The following SERTM1 variants were observed in gnomAD, a reference collection of about 807,000 sequenced individuals.
SERTM1 encodes serine rich and transmembrane domain containing 1.
Under a neutral mutation model 5.5 loss-of-function variants are expected in SERTM1, and 1 was observed. The ratio of observed to expected loss-of-function variants is 0.18; its 90% CI spans 0.06 to 0.86. The LOEUF (loss-of-function observed/expected upper bound fraction) is 0.86. SERTM1 is among the 40% of genes least tolerant of loss of function. The probability of loss-of-function intolerance (pLI) is 0.69; values close to 1 mark genes in which losing one functional copy is unlikely to be tolerated. For synonymous variants in SERTM1, 52 were observed against 55.1 expected (o/e 0.94, Z 0.25); for missense variants, 91 against 122.4 (o/e 0.74, Z 1.21).
At chr13:36,687,807 G>T (rs1308932209) in intron 1 of SERTM1, among the ~76,000 whole-genome samples, 1 of 152,030 alleles carries the variant, frequency 6.6e-6, no homozygotes, top group Admixed American at 6.6e-5. Flanking sequence ...CAGGAACAGA[G>T]ACCAACAAAA....
In SERTM1 at chr13:36,674,054, G is replaced by A. The variant is rs1024964811; in HGVS notation, c.-304G>A. 11 of 152,302 alleles carry A rather than the reference G, an allele frequency of 7.2e-5. No individual in the cohort carries two copies. The highest frequency in any genetic ancestry group is 2.7e-4 in the African/African-American group (11 of 41,454). 9.4% of individuals were successfully genotyped at this position (152,302 alleles called of 1,614,324 possible). Reference sequence around the variant, plus strand: ...GCGCCTGCTGTCCGCCGTGCGCCCAGACTGCGCGCCGCGCCGCTGCGCCCA... The same window carrying A: ...GCGCCTGCTGTCCGCCGTGCGCCCAAACTGCGCGCCGCGCCGCTGCGCCCA... On this transcript the variant is annotated 5_prime_UTR_variant, in exon 1 of 2. Coordinates refer to ENST00000315190, the MANE Select transcript of SERTM1 (RefSeq NM_203451.3).
At chr13:36,674,410 G>A (rs877918) in intron 1 of SERTM1, among the ~76,000 whole-genome samples, 27,230 of 151,862 alleles carry the variant, frequency 0.18, 2,610 homozygotes, top group East Asian at 0.42. Flanking sequence ...ATCGCAGCCC[G>A]GCTCTCCGAG....
chr13:36,694,833 TG>T lies in SERTM1; in HGVS notation c.-173-72del. On this transcript the variant is annotated intron_variant, in intron 1 of 1. Coordinates refer to ENST00000315190, the MANE Select transcript of SERTM1 (RefSeq NM_203451.3). ...GCTGAGTTTTCTAACTAATCCTTAC[TG>T]AAATAAAACCTAAAAATGGAATTTA... The T allele has an allele frequency of 5.8e-6, 3 of 514,520 alleles. No homozygotes were observed. The South Asian group carries it at 8.7e-5, about 15-fold the overall frequency. The allele number at this position is 514,520 out of a possible 1,614,324, so 31.9% of individuals were successfully genotyped here. A position where few individuals can be genotyped will look rare whatever the true frequency, so the allele number is the denominator to read the frequency against.
chr13:36,691,188 C>T (rs1200650788), intron 1 of SERTM1, among the ~76,000 whole-genome samples: 1 of 152,194 alleles, frequency 6.6e-6, no homozygotes, highest in Non-Finnish European at 1.5e-5. Context: ...TGAGAGCACT[C>T]AGAGATGAGA....
intron 1 of SERTM1, among the ~76,000 whole-genome samples, chr13:36,682,796 T>A (rs1273203788): frequency 6.6e-6 from 1 of 152,250 alleles, no homozygotes; most frequent in East Asian, 1.9e-4. Context: ...CTCATGCACA[T>A]AATGATAATA....
intron 1 of SERTM1, among the ~76,000 whole-genome samples, chr13:36,680,845 C>T (rs558831237): frequency 3.9e-5 from 6 of 152,144 alleles, no homozygotes; most frequent in South Asian, 2.1e-4. Context: ...CTCCGCCTCC[C>T]GGTTCAAGCG....
Position 36,675,983 on chromosome 13 carries a change from T to C in SERTM1, c.-174+1799T>C, listed in dbSNP as rs73544510. Among the ~76,000 whole-genome samples the C allele has an allele frequency of 3.1e-3, 466 of 152,308 alleles. 3 individuals are homozygous for C. The highest frequency in any genetic ancestry group is 0.011 in the African/African-American group (448 of 41,572). On this transcript the variant is annotated intron_variant, in intron 1 of 1. Transcript: ENST00000315190. ...ATTTATTGTTCTCATTAAAGAAACC[T>C]GTTGTAAGGTAAGATTGAGTCCATT...
chr13:36,692,227 T>G (rs1354582879), intron 1 of SERTM1, among the ~76,000 whole-genome samples: 2 of 152,216 alleles, frequency 1.3e-5, no homozygotes, highest in Non-Finnish European at 2.9e-5. Context: ...TGACCAAACC[T>G]TCTGAGCCTC....
chr13:36,680,155 T>C (rs886564905), intron 1 of SERTM1, among the ~76,000 whole-genome samples: 6 of 152,206 alleles, frequency 3.9e-5, no homozygotes, highest in Non-Finnish European at 7.3e-5. Context: ...CTGTACCCTC[T>C]GCCATTCTCC....
At chr13:36,694,162 T>C (rs918500165) in intron 1 of SERTM1, among the ~76,000 whole-genome samples, 1 of 152,202 alleles carries the variant, frequency 6.6e-6, no homozygotes, top group Non-Finnish European at 1.5e-5. Flanking sequence ...AGAAAAGTGA[T>C]GCTCAGAAAA....
At chr13:36,677,685 G>C (rs886708261) in intron 1 of SERTM1, among the ~76,000 whole-genome samples, 2 of 152,162 alleles carry the variant, frequency 1.3e-5, no homozygotes, top group African/African-American at 4.8e-5. Context: ...AACATTCAAC[G>C]TATAGATTCA....
At chr13:36,688,320 G>A (rs1273906134) in intron 1 of SERTM1, among the ~76,000 whole-genome samples, 1 of 151,758 alleles carries the variant, frequency 6.6e-6, no homozygotes, top group Non-Finnish European at 1.5e-5. Context: ...CTCAAGCAAT[G>A]CTCCCACCTC....
At chr13:36,683,316 C>T (rs562309091) in intron 1 of SERTM1, among the ~76,000 whole-genome samples, 48 of 152,282 alleles carry the variant, frequency 3.2e-4, no homozygotes, top group African/African-American at 1.1e-3. Flanking sequence ...GCCTTGAAAA[C>T]CTTCTTTCTC....
chr13:36,682,270 C>T (rs557748355), intron 1 of SERTM1, among the ~76,000 whole-genome samples: 12 of 152,294 alleles, frequency 7.9e-5, no homozygotes, highest in African/African-American at 2.9e-4. Flanking sequence ...CATCCTTATG[C>T]CACATTCTGT....
At chr13:36,692,454 A>G (rs9603082) in intron 1 of SERTM1, among the ~76,000 whole-genome samples, 21,542 of 152,270 alleles carry the variant, frequency 0.14, 1,691 homozygotes, top group Non-Finnish European at 0.15. Context: ...TGAAAATGAT[A>G]CAGACTTGGG....
At chr13:36,681,020 T>C (rs2056701852) in intron 1 of SERTM1, among the ~76,000 whole-genome samples, 1 of 152,214 alleles carries the variant, frequency 6.6e-6, no homozygotes, top group Non-Finnish European at 1.5e-5. Context: ...TTTTCACTCC[T>C]CTTATTATTT....
intron 1 of SERTM1, among the ~76,000 whole-genome samples, chr13:36,685,988 A>C: frequency 6.6e-6 from 1 of 152,146 alleles, no homozygotes; most frequent in East Asian, 1.9e-4. Context: ...GGGTGTTTAA[A>C]CTGCAGGAGA....
In SERTM1 at chr13:36,695,325, G is replaced by A. The variant is rs1436590012; in HGVS notation, c.247G>A (p.Ala83Thr). The A allele has an allele frequency of 5.6e-6, 9 of 1,614,016 alleles. No individual in the cohort carries two copies. The highest frequency in any genetic ancestry group is 2.2e-5 in the East Asian group (1 of 44,880). The stretch of plus-strand genomic sequence containing the variant: ...CTCCTACCCAGAGTATCCAAGCGAC[G>A]CTGGAAGTTCTTTCACCAATTTGGA... ...SSSYPEYPSD[A>T]GSSFTNLEVC... The change falls in exon 2 of 2, where the codon GCT becomes ACT. Residue 83 changes from alanine (A) to threonine (T), a missense_variant. Physicochemically the swap from Ala to Thr is moderately conservative, Grantham distance 58 (BLOSUM62 0). Coordinates refer to ENST00000315190, the MANE Select transcript of SERTM1 (RefSeq NM_203451.3).
chr13:36,692,435 C>T (rs1158476340), intron 1 of SERTM1, among the ~76,000 whole-genome samples: 1 of 152,188 alleles, frequency 6.6e-6, no homozygotes, highest in African/African-American at 2.4e-5. Flanking sequence ...GTGCCTCCAG[C>T]ACCATCCCTG....
Sources: gnomAD v4.1 joint callset for allele counts (sites outside exome capture counted in the v4.1 genomes callset) on GRCh38, gnomAD v4.1.1 for gene constraint, MANE v1.5 for transcripts, NCBI Gene and HGNC (gene_info 2026-07-23, HGNC 2026-07-21) for gene names.